SLC14A2: variants seen among roughly 807,000 people sequenced by gnomAD.
SLC14A2 encodes solute carrier family 14 member 2, also known as urea transporter 2.
In SLC14A2, 91 loss-of-function variants were observed where a neutral mutation model predicts 104.6. The ratio of observed to expected loss-of-function variants is 0.87; its 90% CI spans 0.73 to 1.04. The LOEUF is 1.04. SLC14A2 is among the 50% of genes least tolerant of loss of function. The pLI is 0.00. For missense variants in SLC14A2, 1,189 were observed against 1,156.0 expected (o/e 1.03, Z -0.41); for synonymous variants, 476 against 466.4 (o/e 1.02, Z -0.27).
chr18:45,230,849 G>A (rs1308072443), intron 1 of SLC14A2, among the ~76,000 whole-genome samples: 2 of 152,170 alleles, frequency 1.3e-5, no homozygotes, highest in Non-Finnish European at 2.9e-5. Context: ...TTGTCTTCTG[G>A]AACGTAGTTT....
intron 1 of SLC14A2, chr18:45,447,197 C>A (rs961544986): frequency 6.6e-6 from 1 of 152,224 alleles, no homozygotes; most frequent in African/African-American, 2.4e-5. Context: ...CAAGGGCACA[C>A]AAATTCTAGC....
At chr18:45,567,204 TGCTCCTGTAGGGAAG>T (rs1392595775) in intron 2 of SLC14A2, among the ~76,000 whole-genome samples, 2 of 152,048 alleles carry the variant, frequency 1.3e-5, no homozygotes, top group African/African-American at 4.8e-5. Flanking sequence ...GAGACCCACT[TGCTCCTGTAGGGAAG>T]GCCAACGCCC....
intron 2 of SLC14A2, among the ~76,000 whole-genome samples, chr18:45,588,537 C>T (rs1026663143): frequency 9.2e-5 from 14 of 152,222 alleles, no homozygotes; most frequent in African/African-American, 2.9e-4. Flanking sequence ...TGACATCCAT[C>T]GGCCCTGTGA....
At position 45,506,345 on chromosome 18, in the gene SLC14A2, G is replaced by A. The variant is rs118135092; in HGVS notation, c.-35+23023G>A. ...GTTAGCCTGATCACACACCAGCAGA[G>A]CCACTATCTGTCAGTAATCCAGTGG... is the stretch of plus-strand genomic sequence containing the variant. On this transcript the variant is annotated intron_variant, in intron 2 of 20. Transcript: ENST00000586448. 7.9e-5 allele frequency among the ~76,000 whole-genome samples: 12 copies of A among 152,298 alleles called. No homozygotes were observed. In the East Asian group the frequency reaches 2.3e-3, roughly 29 times the overall value.
chr18:45,198,175 A>G, the SLC14A2 span, among the ~76,000 whole-genome samples: 1 of 152,196 alleles, frequency 6.6e-6, no homozygotes, highest in Non-Finnish European at 1.5e-5. Flanking sequence ...TCCTGTCCAA[A>G]TATATTTTGT....
the SLC14A2 span, among the ~76,000 whole-genome samples, chr18:45,203,378 C>T: frequency 4.6e-5 from 7 of 152,150 alleles, no homozygotes; most frequent in East Asian, 1.9e-4. Flanking sequence ...AAGGTTCAGG[C>T]GGAACTGTGG....
rs759509283 is a variant in SLC14A2, at chr18:45,666,150, C to T, written c.1488C>T (p.Gly496=). The T allele has an allele frequency of 1.1e-5, 17 of 1,613,190 alleles. No individual in the cohort carries two copies. Among genetic ancestry groups the T allele is most frequent in the Middle Eastern group, 1.7e-4 (1 of 6,060 alleles). ...TTCTAACTCCAGTGTTTGGAAAAGG[C>T]GAACACCAGGAAAGACAAAACAAAG... is the stretch of plus-strand genomic sequence containing the variant. ...IRRRSKVFGK[G]EHQERQNKDP... Residue 496 remains glycine, a synonymous_variant, in exon 12 of 20, where the codon GGC becomes GGT. Coordinates refer to ENST00000255226, the MANE Select transcript of SLC14A2 (RefSeq NM_007163.4).
intron 1 of SLC14A2, among the ~76,000 whole-genome samples, chr18:45,475,577 G>C (rs2087344617): frequency 7.7e-6 from 1 of 129,636 alleles, no homozygotes; most frequent in Admixed American, 8.1e-5. Context: ...ATATATTTAG[G>C]ATATAGATAT....
At chr18:45,539,502 G>T (rs188715267) in intron 2 of SLC14A2, among the ~76,000 whole-genome samples, 6 of 152,294 alleles carry the variant, frequency 3.9e-5, no homozygotes, top group Admixed American at 3.9e-4. Context: ...TTAGAGCTGA[G>T]GATCAGATCA....
intron 1 of SLC14A2, among the ~76,000 whole-genome samples, chr18:45,469,052 G>A (rs1436118498): frequency 6.6e-6 from 1 of 152,268 alleles, no homozygotes; most frequent in African/African-American, 2.4e-5. Flanking sequence ...GAGGGGAAGC[G>A]GAGGTTGCCC....
At chr18:45,273,447 G>A (rs2084671287) in intron 1 of SLC14A2, among the ~76,000 whole-genome samples, 1 of 152,118 alleles carries the variant, frequency 6.6e-6, no homozygotes, top group African/African-American at 2.4e-5. Context: ...TCAAACCATA[G>A]AGCCTTTAAA....
intron 1 of SLC14A2, among the ~76,000 whole-genome samples, chr18:45,414,758 A>T: frequency 2.0e-5 from 1 of 50,084 alleles, no homozygotes; most frequent in South Asian, 9.5e-4. Flanking sequence ...AAAAAAAAAA[A>T]TATATATATA....
At chr18:45,644,831 G>A (rs1201894203) in intron 10 of SLC14A2, among the ~76,000 whole-genome samples, 1 of 152,146 alleles carries the variant, frequency 6.6e-6, no homozygotes, top group South Asian at 2.1e-4. Context: ...CTTAGTTTAG[G>A]TCAAACCAGC....
rs549950225 is a variant in SLC14A2 at position 45,270,956 on chromosome 18, A to G, written c.-125+57765A>G. 5.3e-5 allele frequency among the ~76,000 whole-genome samples: 8 copies of G among 152,290 alleles called. No homozygotes were observed. In the South Asian group the frequency reaches 6.2e-4, roughly 12 times the overall value. ...AAAGAAAGCCTTGTTGATTTTAAGC[A>G]GATACAAATTTAGCTTTCAGCAGGA... is the stretch of plus-strand genomic sequence containing the variant. On this transcript the variant is annotated intron_variant, in intron 1 of 20. Coordinates refer to the SLC14A2 transcript ENST00000586448.
intron 1 of SLC14A2, among the ~76,000 whole-genome samples, chr18:45,284,227 G>A (rs78461326): frequency 6.6e-6 from 1 of 152,218 alleles, no homozygotes; most frequent in East Asian, 1.9e-4. Context: ...CTGGCCTTCT[G>A]CCTGCAGAAC....
At chr18:45,263,568 T>C (rs917768515) in intron 1 of SLC14A2, among the ~76,000 whole-genome samples, 2 of 152,234 alleles carry the variant, frequency 1.3e-5, no homozygotes, top group Non-Finnish European at 2.9e-5. Context: ...AATTCTAATG[T>C]AGAGTTTTAA....
chr18:45,216,462 T>C (rs2084011447), intron 1 of SLC14A2, among the ~76,000 whole-genome samples: 1 of 152,132 alleles, frequency 6.6e-6, no homozygotes, highest in African/African-American at 2.4e-5. Context: ...ATCTCATCTG[T>C]TTTCTGGGGG....
chr18:45,397,063 T>C (rs185524266), intron 1 of SLC14A2, among the ~76,000 whole-genome samples: 319 of 152,300 alleles, frequency 2.1e-3, no homozygotes, highest in African/African-American at 7.1e-3. Flanking sequence ...ATCCAGTCTG[T>C]CATTGACGGG....
intron 1 of SLC14A2, among the ~76,000 whole-genome samples, chr18:45,467,155 A>G (rs578025492): frequency 6.6e-6 from 1 of 152,072 alleles, no homozygotes; most frequent in African/African-American, 2.4e-5. Flanking sequence ...TCACCAACAG[A>G]AAGGGATTAT....
Sources: gnomAD v4.1 joint callset for allele counts (sites outside exome capture counted in the v4.1 genomes callset) on GRCh38, gnomAD v4.1.1 for gene constraint, MANE v1.5 for transcripts, NCBI Gene and HGNC (gene_info 2026-07-23, HGNC 2026-07-21) for gene names.